KAZN: variants seen among roughly 807,000 people sequenced by gnomAD.
KAZN encodes kazrin, periplakin interacting protein, also known as kazrin.
Under a neutral mutation model 87.4 loss-of-function variants are expected in KAZN, and 40 were observed. The observed-to-expected ratio is 0.46, with a 90% CI of 0.36 to 0.60. The LOEUF (loss-of-function observed/expected upper bound fraction) is 0.60, where lower values mean the gene tolerates loss of function less well. Ranked by LOEUF, KAZN falls within the 20% of genes least tolerant of loss-of-function variation. The pLI is 0.00. For missense variants in KAZN, 898 were observed against 1,073.9 expected, an observed-to-expected ratio of 0.84 and a Z score of 2.29; for synonymous variants, 466 against 458.3, an observed-to-expected ratio of 1.02 and a Z score of -0.22.
chr1:14,417,940 G>A (rs1332219441), intron 2 of KAZN, among the ~76,000 whole-genome samples: 2 of 129,226 alleles, frequency 1.5e-5, no homozygotes, highest in Non-Finnish European at 3.1e-5. Flanking sequence ...AGCATGCAGT[G>A]AGCAGAAATC....
At chr1:14,227,689 TG>T (rs767759594) in intron 2 of KAZN, among the ~76,000 whole-genome samples, 4 of 152,140 alleles carry the variant, frequency 2.6e-5, no homozygotes, top group Non-Finnish European at 4.4e-5. Flanking sequence ...GCCCACCTCT[TG>T]ATGAGAGGAG....
At chr1:14,108,181 C>T (rs112946953) in intron 1 of KAZN, among the ~76,000 whole-genome samples, 2,246 of 152,164 alleles carry the variant, frequency 0.015, 67 homozygotes, top group African/African-American at 0.051. Context: ...GCTCTTTCTA[C>T]TGGTTACATC....
chr1:14,585,755 G>A (rs1675815146), intron 2 of KAZN, among the ~76,000 whole-genome samples: 2 of 152,198 alleles, frequency 1.3e-5, no homozygotes, highest in South Asian at 4.1e-4. Flanking sequence ...AATAGTCAAG[G>A]GGAATGAGGA....
intron 1 of KAZN, among the ~76,000 whole-genome samples, chr1:13,901,200 C>T (rs1381971231): frequency 6.6e-6 from 1 of 152,184 alleles, no homozygotes. Context: ...ACCGAGTTTG[C>T]CTGGGGTTTG....
chr1:15,094,435 C>T lies in KAZN; in HGVS notation c.1428+50C>T, dbSNP rs761218015. The T allele has an allele frequency of 1.3e-6, 2 of 1,523,926 alleles. No homozygotes were observed. The highest frequency in any genetic ancestry group is 2.4e-5 in the South Asian group (2 of 83,462). 94.4% of individuals were successfully genotyped at this position (1,523,926 alleles called of 1,614,324 possible). On this transcript the variant is annotated intron_variant, in intron 9 of 14. Transcript: ENST00000376030. This position sits in a 1 kb window ranked among gnomAD's most constrained non-coding sequence, Gnocchi z 4.5. ...GGATGCCACCCATGCCCTCTGTGAG[C>T]TTTACGTACCCAGAAGCTGGCCTGC...
At chr1:14,900,358 G>A (rs1016743950) in intron 1 of KAZN, among the ~76,000 whole-genome samples, 2 of 152,154 alleles carry the variant, frequency 1.3e-5, no homozygotes, top group African/African-American at 4.8e-5. Context: ...CTGCCAATTT[G>A]CAGAGTTGAA....
At chr1:14,348,581 C>T (rs764399405) in intron 2 of KAZN, among the ~76,000 whole-genome samples, 6 of 152,134 alleles carry the variant, frequency 3.9e-5, no homozygotes, top group Admixed American at 1.3e-4. Flanking sequence ...ATATGATAAA[C>T]GATAATCTTA....
At chr1:14,096,125 A>C (rs1050421342) in intron 1 of KAZN, among the ~76,000 whole-genome samples, 1 of 152,220 alleles carries the variant, frequency 6.6e-6, no homozygotes, top group Non-Finnish European at 1.5e-5. Context: ...GAAGGCAATA[A>C]TCAAGGGGTA....
At chr1:13,895,602 G>A (rs1483753874) in intron 1 of KAZN, among the ~76,000 whole-genome samples, 2 of 152,284 alleles carry the variant, frequency 1.3e-5, no homozygotes, top group African/African-American at 2.4e-5. Context: ...ATTAGGACGC[G>A]AAAGGGATGG....
At chr1:14,433,080 T>C (rs1666172960) in intron 2 of KAZN, among the ~76,000 whole-genome samples, 1 of 152,168 alleles carries the variant, frequency 6.6e-6, no homozygotes. Flanking sequence ...GCTCTACATA[T>C]TTATTTTTAA....
intron 1 of KAZN, among the ~76,000 whole-genome samples, chr1:14,072,302 A>G (rs1643278521): frequency 6.6e-6 from 1 of 152,126 alleles, no homozygotes; most frequent in Admixed American, 6.5e-5. Context: ...TTGCTTCTCC[A>G]ATTTGCTAGG....
chr1:14,211,292 C>T (rs1646848071), intron 2 of KAZN, among the ~76,000 whole-genome samples: 1 of 152,212 alleles, frequency 6.6e-6, no homozygotes, highest in Admixed American at 6.5e-5. Context: ...ACAATCTCGA[C>T]TCACTGCAAG....
intron 1 of KAZN, among the ~76,000 whole-genome samples, chr1:14,646,785 A>G (rs181173713): frequency 7.2e-5 from 11 of 152,314 alleles, no homozygotes; most frequent in African/African-American, 1.7e-4. Flanking sequence ...ATTATTTACA[A>G]CTAAATAATT....
At chr1:13,905,644 C>A (rs1639409259) in intron 1 of KAZN, among the ~76,000 whole-genome samples, 1 of 152,204 alleles carries the variant, frequency 6.6e-6, no homozygotes, top group South Asian at 2.1e-4. Context: ...CCCAGCATAA[C>A]CTAAAACCTT....
At chr1:14,675,592 C>G (rs1640169935) in intron 1 of KAZN, among the ~76,000 whole-genome samples, 1 of 152,106 alleles carries the variant, frequency 6.6e-6, no homozygotes, top group Non-Finnish European at 1.5e-5. Context: ...CATCTCATTT[C>G]TTTATTATGT....
intron 1 of KAZN, among the ~76,000 whole-genome samples, chr1:14,647,913 C>T (rs1480511951): frequency 6.6e-6 from 1 of 152,166 alleles, no homozygotes; most frequent in African/African-American, 2.4e-5. Flanking sequence ...TGATCATTCT[C>T]CATTCGTTTC....
chr1:14,786,070 G>A (rs1645500583), intron 1 of KAZN, among the ~76,000 whole-genome samples: 1 of 152,146 alleles, frequency 6.6e-6, no homozygotes, highest in African/African-American at 2.4e-5. Flanking sequence ...AAAATGCCTG[G>A]CGTCTACAGT....
chr1:14,790,892 A>G (rs1645654259), intron 1 of KAZN, among the ~76,000 whole-genome samples: 1 of 152,152 alleles, frequency 6.6e-6, no homozygotes, highest in African/African-American at 2.4e-5. Flanking sequence ...GGGTTTCACC[A>G]TGCTGCCCAG....
chr1:14,005,599 C>A (rs563513448), intron 1 of KAZN, among the ~76,000 whole-genome samples: 32 of 152,192 alleles, frequency 2.1e-4, no homozygotes, highest in Non-Finnish European at 2.4e-4. Flanking sequence ...TGTTAATAAA[C>A]TGACCTCTAA....
Sources: allele counts gnomAD v4.1 joint callset (sites outside exome capture counted in the v4.1 genomes callset), GRCh38; gene constraint gnomAD v4.1.1; non-coding constraint Gnocchi (gnomAD v3.1); transcripts MANE v1.5; gene names NCBI Gene and HGNC (gene_info 2026-07-23, HGNC 2026-07-21).